The following ADGRV1 variants were observed in gnomAD, a reference collection of about 807,000 sequenced individuals.
ADGRV1 encodes the protein G-protein coupled receptor 98.
Under a neutral mutation model 596.2 loss-of-function variants are expected in ADGRV1, and 359 were observed. That is an observed-to-expected ratio of 0.60 (90% CI 0.55 to 0.66). ADGRV1 has a LOEUF of 0.66. ADGRV1 is among the 30% of genes least tolerant of loss of function. The pLI is 0.00. For synonymous variants in ADGRV1, 2,681 were observed against 2,679.2 expected, an observed-to-expected ratio of 1.00 and a Z score of -0.02; for missense variants, 7,274 against 7,575.6, an observed-to-expected ratio of 0.96 and a Z score of 1.48.
chr5:90,694,709 A>G lies in ADGRV1; in HGVS notation c.7945+8A>G, dbSNP rs1390490272. The G allele has an allele frequency of 1.3e-6, 2 of 1,540,518 alleles. No homozygotes were observed. The highest frequency in any genetic ancestry group is 2.3e-5 in the East Asian group (1 of 44,276). On this transcript the variant is annotated splice_region_variant and intron_variant, in intron 33 of 89. Coordinates refer to ENST00000405460, the MANE Select transcript of ADGRV1 (RefSeq NM_032119.4). ...TTCTGACCTTTGCTGAAGGTGAGCA[A>G]TGGTTCTAAATGAATTTCCGTTGCC...
At chr5:90,781,184 T>C (rs1758796671) in intron 64 of ADGRV1, 3 of 477,180 alleles carry the variant, frequency 6.3e-6, no homozygotes, top group African/African-American at 2.0e-5. Flanking sequence ...TGCCCAAGTT[T>C]AGTAACTTTA....
At chr5:91,095,990 C>A (rs991306734) in intron 86 of ADGRV1, among the ~76,000 whole-genome samples, 2 of 150,526 alleles carry the variant, frequency 1.3e-5, no homozygotes, top group African/African-American at 5.0e-5. Flanking sequence ...AAACTCCTGA[C>A]CTCAGGTGAT....
At chr5:90,862,505 A>T (rs1767701932) in intron 82 of ADGRV1, among the ~76,000 whole-genome samples, 1 of 152,132 alleles carries the variant, frequency 6.6e-6, no homozygotes, top group Non-Finnish European at 1.5e-5. Flanking sequence ...TCTGAGCATC[A>T]ACTCCAGTAG....
chr5:91,032,031 G>A (rs1031881806), intron 85 of ADGRV1, among the ~76,000 whole-genome samples: 3 of 152,216 alleles, frequency 2.0e-5, no homozygotes, highest in Middle Eastern at 3.2e-3. Context: ...AGCAGCATGC[G>A]GGCTGCAATT....
intron 70 of ADGRV1, among the ~76,000 whole-genome samples, chr5:90,801,311 A>C (rs1213916190): frequency 6.6e-6 from 1 of 152,162 alleles, no homozygotes; most frequent in Admixed American, 6.6e-5. Context: ...CTGCCACATC[A>C]TACAAATCTG....
At chr5:90,807,473 A>C (rs1762013621) in intron 72 of ADGRV1, 129 bp from the exon 73 acceptor site, 1 of 920,832 alleles carries the variant, frequency 1.1e-6, no homozygotes, top group East Asian at 2.7e-5. Context: ...CCTTTTTAAA[A>C]ATGTTTTACC....
At chr5:90,592,613 A>G (rs1759663003) in intron 1 of ADGRV1, among the ~76,000 whole-genome samples, 1 of 152,228 alleles carries the variant, frequency 6.6e-6, no homozygotes, top group Non-Finnish European at 1.5e-5. Context: ...GTTTTCTTCT[A>G]GGAAGGAACT....
rs546879054 is a variant in ADGRV1 at position 90,828,304 on chromosome 5, G to T, written c.16369-640G>T. Among the ~76,000 whole-genome samples the T allele has an allele frequency of 5.3e-5, 8 of 151,878 alleles. No individual in the cohort carries two copies. In the South Asian group the frequency reaches 1.5e-3, roughly 28 times the overall value. On this transcript the variant is annotated intron_variant, in intron 76 of 89. Transcript: ENST00000405460. Reference sequence around the variant, plus strand: ...TATTTAAAACACTTTAAAAATAAAAGAAATAAAAATAGAACCTTACAAAAT... The same window carrying T: ...TATTTAAAACACTTTAAAAATAAAATAAATAAAAATAGAACCTTACAAAAT...
At chr5:90,748,823 G>T (rs2366931) in intron 52 of ADGRV1, among the ~76,000 whole-genome samples, 73,730 of 141,962 alleles carry the variant, frequency 0.52, 19,349 homozygotes, top group African/African-American at 0.64. Context: ...GTTTTTTTTT[G>T]TTTTTTTTTT....
chr5:90,978,510 G>T (rs1779814894), intron 84 of ADGRV1, among the ~76,000 whole-genome samples: 1 of 151,962 alleles, frequency 6.6e-6, no homozygotes, highest in African/African-American at 2.4e-5. Flanking sequence ...TCTAGTATTT[G>T]ATAGCACAAC....
intron 83 of ADGRV1, among the ~76,000 whole-genome samples, chr5:90,935,572 A>G (rs1022530464): frequency 3.3e-5 from 5 of 152,238 alleles, no homozygotes; most frequent in African/African-American, 1.2e-4. Context: ...TTCAACAGAA[A>G]AAAACCTGTA....
Position 90,720,234 on chromosome 5 carries a change from T to C in ADGRV1, c.9623+11T>C, listed in dbSNP as rs566760853. 12 of 1,491,778 alleles carry C rather than the reference T, an allele frequency of 8.0e-6. No individual in the cohort carries two copies. The South Asian group carries it at 1.7e-4, about 21-fold the overall frequency. The allele number at this position is 1,491,778 out of a possible 1,614,324, so 92.4% of individuals were successfully genotyped here. The stretch of plus-strand genomic sequence containing the variant: ...TGCAGTTGAAAATAGGTATAGTTTA[T>C]TCATAAGGAAATTATCACTTCTGAA... On this transcript the variant is annotated intron_variant, in intron 44 of 89. Coordinates refer to ENST00000405460, the MANE Select transcript of ADGRV1 (RefSeq NM_032119.4).
chr5:90,635,089 C>A, intron 9 of ADGRV1, 25 bp from the exon 10 acceptor site: 2 of 1,462,042 alleles, frequency 1.4e-6, no homozygotes, highest in Non-Finnish European at 1.9e-6. Context: ...ATTCTTACTA[C>A]TTTTTGTGTA....
chr5:91,045,662 A>G (rs908570500), intron 85 of ADGRV1, among the ~76,000 whole-genome samples: 1 of 152,204 alleles, frequency 6.6e-6, no homozygotes, highest in Non-Finnish European at 1.5e-5. Context: ...TAGTACTGGA[A>G]GTCCTAGCCA....
intron 86 of ADGRV1, among the ~76,000 whole-genome samples, chr5:91,087,176 C>T (rs1372753421): frequency 6.6e-6 from 1 of 152,146 alleles, no homozygotes; most frequent in Non-Finnish European, 1.5e-5. Context: ...CTCTTGTTTT[C>T]CCTGAATTTT....
chr5:90,697,151 G>A lies in ADGRV1; in HGVS notation c.8155+5G>A. The stretch of plus-strand genomic sequence containing the variant: ...GATCTGTCATAGGTCATGAAGGTGG[G>A]TTCCTTTTTTTGTTAAGCATATTCA... On this transcript the variant is annotated splice_donor_5th_base_variant and intron_variant, in intron 34 of 89. Transcript: ENST00000405460. 1 of 1,608,154 alleles carries A rather than the reference G, an allele frequency of 6.2e-7. No individual in the cohort carries two copies. Among genetic ancestry groups the A allele is most frequent in the Non-Finnish European group, 8.5e-7 (1 of 1,176,320 alleles).
At chr5:90,909,270 C>T (rs1291793385) in intron 83 of ADGRV1, among the ~76,000 whole-genome samples, 1 of 152,222 alleles carries the variant, frequency 6.6e-6, no homozygotes, top group Non-Finnish European at 1.5e-5. Flanking sequence ...CCCTGTGCTA[C>T]TAAAGTGGAT....
intron 70 of ADGRV1, among the ~76,000 whole-genome samples, chr5:90,793,625 C>A (rs1431089575): frequency 6.6e-6 from 1 of 152,160 alleles, no homozygotes; most frequent in Non-Finnish European, 1.5e-5. Flanking sequence ...CATTTTGAAG[C>A]ATGTGGTAGT....
intron 83 of ADGRV1, among the ~76,000 whole-genome samples, chr5:90,959,576 T>C (rs1432390127): frequency 1.3e-5 from 2 of 152,116 alleles, no homozygotes; most frequent in African/African-American, 4.8e-5. Context: ...TACAGTAACC[T>C]AGATGATGTA....
Sources: allele counts gnomAD v4.1 joint callset (sites outside exome capture counted in the v4.1 genomes callset), GRCh38; gene constraint gnomAD v4.1.1; transcripts MANE v1.5; gene names NCBI Gene and HGNC (gene_info 2026-07-23, HGNC 2026-07-21).